Variants in ANKFN1 observed in about 807,000 individuals in gnomAD.
ANKFN1 encodes ankyrin repeat and fibronectin type III domain containing 1, also known as ankyrin repeat and fibronectin type-III domain-containing protein 1.
ANKFN1 carries 74 observed loss-of-function variants against 108.7 expected under a neutral mutation model. The ratio of observed to expected loss-of-function variants is 0.68; its 90% CI spans 0.56 to 0.83. The LOEUF is 0.83. Ranked by LOEUF, ANKFN1 falls within the 40% of genes least tolerant of loss-of-function variation. The probability of loss-of-function intolerance (pLI) is 0.00; values close to 1 mark genes in which losing one functional copy is unlikely to be tolerated. For synonymous variants in ANKFN1, 547 were observed against 516.2 expected (o/e 1.06, Z -0.81); for missense variants, 1,505 against 1,382.3 (o/e 1.09, Z -1.41).
intron 3 of ANKFN1, among the ~76,000 whole-genome samples, chr17:56,243,875 A>G (rs2144017356): frequency 6.6e-6 from 1 of 152,282 alleles, no homozygotes. Context: ...TTAAAATTAG[A>G]AATCTATGTA....
At chr17:56,463,045 C>T (rs886518353) in intron 14 of ANKFN1, among the ~76,000 whole-genome samples, 1 of 152,186 alleles carries the variant, frequency 6.6e-6, no homozygotes, top group African/African-American at 2.4e-5. Context: ...GTGCAATTTG[C>T]ACCTTGTTTT....
chr17:56,478,491 C>G (rs759659608), intron 16 of ANKFN1, among the ~76,000 whole-genome samples: 13 of 152,112 alleles, frequency 8.5e-5, no homozygotes, highest in Non-Finnish European at 1.5e-4. Flanking sequence ...CCTTATAATT[C>G]TCTATGGAAG....
chr17:56,101,323 C>A (rs1287853902), intron 4 of ANKFN1, among the ~76,000 whole-genome samples: 1 of 152,140 alleles, frequency 6.6e-6, no homozygotes, highest in Non-Finnish European at 1.5e-5. Context: ...GGAAACAAAT[C>A]AATGTCACAG....
At chr17:56,099,112 T>C (rs1393610146) in intron 4 of ANKFN1, among the ~76,000 whole-genome samples, 2 of 152,202 alleles carry the variant, frequency 1.3e-5, no homozygotes, top group Non-Finnish European at 2.9e-5. Flanking sequence ...GCTATTTTTC[T>C]GTGCACCAAT....
At chr17:56,276,207 G>A (rs891014223) in intron 3 of ANKFN1, among the ~76,000 whole-genome samples, 1 of 152,102 alleles carries the variant, frequency 6.6e-6, no homozygotes, top group Non-Finnish European at 1.5e-5. Context: ...ATGGAATACT[G>A]CATAGTATTC....
chr17:56,333,582 CG>C (rs574466574), intron 4 of ANKFN1, among the ~76,000 whole-genome samples: 112 of 152,118 alleles, frequency 7.4e-4, no homozygotes, highest in African/African-American at 2.6e-3. Flanking sequence ...ATTTTGCTAA[CG>C]TTTTGTTGAA....
chr17:56,403,482 G>A (rs965390002), intron 8 of ANKFN1, among the ~76,000 whole-genome samples: 1 of 151,950 alleles, frequency 6.6e-6, no homozygotes, highest in Admixed American at 6.6e-5. Context: ...AGCTACACCT[G>A]CTTGCTTTTC....
chr17:56,175,463 G>C (rs1389911452), intron 1 of ANKFN1, among the ~76,000 whole-genome samples: 1 of 152,186 alleles, frequency 6.6e-6, no homozygotes, highest in Non-Finnish European at 1.5e-5. Flanking sequence ...CACTGTACCT[G>C]GTGCTGTGAG....
chr17:56,156,059 C>T (rs1909082179), intron 1 of ANKFN1, among the ~76,000 whole-genome samples: 1 of 151,100 alleles, frequency 6.6e-6, no homozygotes, highest in Non-Finnish European at 1.5e-5. Context: ...TCTCCATTTC[C>T]TCATCTCTCT....
chr17:56,504,015 G>A (rs1267674721), intron 20 of ANKFN1, among the ~76,000 whole-genome samples: 1 of 152,264 alleles, frequency 6.6e-6, no homozygotes, highest in East Asian at 1.9e-4. Flanking sequence ...TTTCCAGGAA[G>A]GGAGGGAGCA....
chr17:56,328,741 C>T (rs2045586959), intron 4 of ANKFN1, among the ~76,000 whole-genome samples: 1 of 150,016 alleles, frequency 6.7e-6, no homozygotes, highest in African/African-American at 2.5e-5. Flanking sequence ...ATTATCTTTT[C>T]CCTTTCTAAA....
intron 4 of ANKFN1, among the ~76,000 whole-genome samples, chr17:56,064,500 G>A (rs1042780190): frequency 6.6e-6 from 1 of 152,214 alleles, no homozygotes; most frequent in South Asian, 2.1e-4. Flanking sequence ...GCCTGAAGAG[G>A]CACTCTGGCC....
At chr17:56,451,044 A>T (rs1167744848) in intron 11 of ANKFN1, among the ~76,000 whole-genome samples, 1 of 152,210 alleles carries the variant, frequency 6.6e-6, no homozygotes, top group East Asian at 1.9e-4. Flanking sequence ...TTTTATATGA[A>T]ATATACTCTG....
In ANKFN1 at chr17:56,515,285, A is replaced by C. The variant is rs1377715152; in HGVS notation, c.*4016A>C. Among the ~76,000 whole-genome samples the C allele has an allele frequency of 2.6e-5, 4 of 152,198 alleles. No homozygotes were observed. The highest frequency in any genetic ancestry group is 9.6e-5 in the African/African-American group (4 of 41,458). ...TGTGCTTATTAAGCTATCACATACC[A>C]ATTAGAGAAGGTAGCTGTAGATTAA... On this transcript the variant is annotated 3_prime_UTR_variant, in exon 21 of 21. Transcript: ENST00000682825.
upstream of ANKFN1, chr17:56,153,451 G>C: frequency 1.2e-6 from 2 of 1,601,998 alleles, no homozygotes; most frequent in Middle Eastern, 1.7e-4. Flanking sequence ...ATTCGCAAAG[G>C]GGTTTCCCTC....
intron 6 of ANKFN1, 80 bp from the exon 7 acceptor site, chr17:56,372,566 T>G: frequency 8.2e-7 from 1 of 1,219,818 alleles, no homozygotes; most frequent in Admixed American, 2.5e-5. Context: ...CAAATCATAG[T>G]AAACTCTGGG....
chr17:56,482,999 A>G (rs2050761185), intron 18 of ANKFN1, among the ~76,000 whole-genome samples: 1 of 152,130 alleles, frequency 6.6e-6, no homozygotes, highest in South Asian at 2.1e-4. Context: ...TGTAGAGTGC[A>G]TATCACTTTG....
intron 3 of ANKFN1, among the ~76,000 whole-genome samples, chr17:56,312,425 A>G (rs1016541388): frequency 4.6e-5 from 7 of 152,084 alleles, no homozygotes; most frequent in Non-Finnish European, 8.8e-5. Flanking sequence ...ATTTCTGCTG[A>G]TCTTACTCTG....
chr17:56,383,008 C>A (rs1277027693), intron 8 of ANKFN1, among the ~76,000 whole-genome samples: 1 of 152,178 alleles, frequency 6.6e-6, no homozygotes, highest in Non-Finnish European at 1.5e-5. Context: ...CTCTCCACCC[C>A]AAATCAACAG....
Sources: gnomAD v4.1 joint callset for allele counts (sites outside exome capture counted in the v4.1 genomes callset) on GRCh38, gnomAD v4.1.1 for gene constraint, MANE v1.5 for transcripts, NCBI Gene and HGNC (gene_info 2026-07-23, HGNC 2026-07-21) for gene names.